GALNT7: variants seen among roughly 807,000 people sequenced by gnomAD.
GALNT7 encodes N-acetylgalactosaminyltransferase 7.
Under a neutral mutation model 82.1 loss-of-function variants are expected in GALNT7, and 60 were observed. That is an observed-to-expected ratio of 0.73 (90% CI 0.59 to 0.91). The LOEUF (loss-of-function observed/expected upper bound fraction) is 0.91. Ranked by LOEUF, GALNT7 falls within the 40% of genes least tolerant of loss-of-function variation. GALNT7 has a pLI of 0.00. For synonymous variants in GALNT7, 243 were observed against 275.1 expected, an observed-to-expected ratio of 0.88 and a Z score of 1.15; for missense variants, 660 against 804.2, an observed-to-expected ratio of 0.82 and a Z score of 2.17.
chr4:173,232,653 C>T (rs1378539012), intron 1 of GALNT7, among the ~76,000 whole-genome samples: 1 of 152,108 alleles, frequency 6.6e-6, no homozygotes, highest in Non-Finnish European at 1.5e-5. Flanking sequence ...CGAGGCATGT[C>T]TCAAACTCCT....
At chr4:173,244,841 A>G (rs566611568) in intron 1 of GALNT7, among the ~76,000 whole-genome samples, 36 of 152,248 alleles carry the variant, frequency 2.4e-4, no homozygotes, top group Admixed American at 1.6e-3. Flanking sequence ...AAAGAGAATA[A>G]AAAGTTGAGG....
intron 1 of GALNT7, among the ~76,000 whole-genome samples, chr4:173,181,033 A>G (rs1732233391): frequency 6.6e-6 from 1 of 152,236 alleles, no homozygotes; most frequent in Admixed American, 6.5e-5. Context: ...TTAAAAATCC[A>G]TTAGATTTTT....
At chr4:173,310,589 A>C (rs1393835499) in intron 8 of GALNT7, among the ~76,000 whole-genome samples, 1 of 152,236 alleles carries the variant, frequency 6.6e-6, no homozygotes, top group African/African-American at 2.4e-5. Flanking sequence ...TCTTTTAAAA[A>C]TAATAATATT....
Position 173,318,453 on chromosome 4 carries a change from A to G in GALNT7, c.1730A>G (p.Asn577Ser), listed in dbSNP as rs1485485956. 2 of 1,604,242 alleles carry G rather than the reference A, an allele frequency of 1.2e-6. No homozygotes were observed. The highest frequency in any genetic ancestry group is 1.3e-5 in the African/African-American group (1 of 74,512). Residue 577 changes from asparagine (N) to serine (S), a missense_variant, in exon 11 of 12, where the codon AAT becomes AGT. This residue lies in a region of GALNT7 where 527 missense variants were observed against 683.5 expected (regional missense o/e 0.77). Transcript: ENST00000265000. ...GNQLFRINEANQLMQYDQCLT... is the reference protein window; with the variant it reads ...GNQLFRINEASQLMQYDQCLT... The stretch of plus-strand genomic sequence containing the variant: ...CAGCTTTTCAGAATCAATGAAGCAA[A>G]TCAACTCATGCAGTATGACCAGTGT...
intron 1 of GALNT7, among the ~76,000 whole-genome samples, chr4:173,171,232 G>A (rs1731859531): frequency 6.6e-6 from 1 of 152,176 alleles, no homozygotes; most frequent in South Asian, 2.1e-4. Flanking sequence ...AGCTTTTAAG[G>A]TACAGTGCTA....
intron 1 of GALNT7, among the ~76,000 whole-genome samples, chr4:173,241,004 A>G (rs1734410641): frequency 6.6e-6 from 1 of 152,156 alleles, no homozygotes; most frequent in African/African-American, 2.4e-5. Context: ...AGCAGGCATC[A>G]GAACATGTAG....
At chr4:173,225,046 A>ATAATT in intron 1 of GALNT7, among the ~76,000 whole-genome samples, 1 of 84,874 alleles carries the variant, frequency 1.2e-5, no homozygotes, top group South Asian at 4.7e-4. Flanking sequence ...TAATAATAAT[A>ATAATT]ATAATTATAA....
intron 1 of GALNT7, among the ~76,000 whole-genome samples, chr4:173,239,767 T>TTA (rs1459634659): frequency 6.6e-6 from 1 of 152,250 alleles, no homozygotes; most frequent in African/African-American, 2.4e-5. Flanking sequence ...TAATTTTAAC[T>TTA]TATATGTTGA....
At position 173,270,013 on chromosome 4, in the gene GALNT7, G is replaced by C. The variant is rs140913225; in HGVS notation, c.587+21573G>C. Among the ~76,000 whole-genome samples the C allele has an allele frequency of 6.3e-3, 961 of 152,280 alleles. 11 individuals carry two copies. Among genetic ancestry groups the C allele is most frequent in the African/African-American group, 0.022 (909 of 41,552 alleles). On this transcript the variant is annotated intron_variant, in intron 2 of 11. Coordinates refer to ENST00000265000, the MANE Select transcript of GALNT7 (RefSeq NM_017423.3). ...AAGTCCTGTGAAGAAAGAACTAGAT[G>C]ATATAAATGTATGCATATTTCTAGA...
intron 5 of GALNT7, among the ~76,000 whole-genome samples, chr4:173,296,687 G>T (rs1736727238): frequency 6.6e-6 from 1 of 152,184 alleles, no homozygotes; most frequent in South Asian, 2.1e-4. Context: ...GCCTCCCTGG[G>T]AAAGTTTACA....
intron 3 of GALNT7, among the ~76,000 whole-genome samples, chr4:173,293,310 A>G (rs1056193867): frequency 3.3e-5 from 5 of 152,016 alleles, no homozygotes; most frequent in Non-Finnish European, 7.4e-5. Flanking sequence ...CTTCTTTTAC[A>G]AATCTCTAAT....
chr4:173,313,945 T>A lies in GALNT7; in HGVS notation c.1390-13T>A, dbSNP rs527573029. 2,516 of 1,120,534 alleles carry A rather than the reference T, an allele frequency of 2.2e-3. 8 individuals are homozygous for A. The highest frequency in any genetic ancestry group is 8.0e-3 in the African/African-American group (460 of 57,220). 69.4% of individuals were successfully genotyped at this position (1,120,534 alleles called of 1,614,324 possible). ...TTTATAACGATATATATATATATAT[T>A]TTTTTTTTACAGAATTATGTTAGAG... On this transcript the variant is annotated splice_polypyrimidine_tract_variant and intron_variant, in intron 8 of 11. Transcript: ENST00000265000.
intron 1 of GALNT7, among the ~76,000 whole-genome samples, chr4:173,196,280 A>G (rs963037077): frequency 1.3e-5 from 2 of 151,972 alleles, no homozygotes; most frequent in Non-Finnish European, 2.9e-5. Flanking sequence ...GCCTGCCACC[A>G]TGCCTGGCTA....
chr4:173,248,563 G>A (rs1734744573), intron 2 of GALNT7, 123 bp downstream of exon 2: 1 of 662,996 alleles, frequency 1.5e-6, no homozygotes, highest in Admixed American at 2.9e-5. Flanking sequence ...GGAAATAAGA[G>A]GATCTTTGAA....
intron 1 of GALNT7, among the ~76,000 whole-genome samples, chr4:173,217,662 G>A (rs1444932703): frequency 3.3e-5 from 5 of 152,172 alleles, no homozygotes; most frequent in African/African-American, 1.2e-4. Context: ...AGTAATAGGG[G>A]ATGGTTTATG....
At position 173,295,809 on chromosome 4, in the gene GALNT7, T is replaced by A; in HGVS notation, c.931T>A (p.Tyr311Asn). Reference protein sequence around the residue: ...DAHCEVAVNWYAPLVAPISKD... With the variant: ...DAHCEVAVNWNAPLVAPISKD... ...CCACTGTGAGGTGGCAGTTAACTGG[T>A]ATGCACCACTTGTAGCTCCCATATC... Residue 311 changes from tyrosine (Y) to asparagine (N), a missense_variant, in exon 5 of 12, where the codon TAT (tyrosine) becomes AAT (asparagine). Transcript: ENST00000265000. 1 of 1,609,118 alleles carries A rather than the reference T, an allele frequency of 6.2e-7. No homozygotes were observed. The highest frequency in any genetic ancestry group is 8.5e-7 in the Non-Finnish European group (1 of 1,175,430).
At chr4:173,269,501 A>G (rs977619831) in intron 2 of GALNT7, among the ~76,000 whole-genome samples, 1 of 152,178 alleles carries the variant, frequency 6.6e-6, no homozygotes, top group African/African-American at 2.4e-5. Flanking sequence ...ACTGATTGGA[A>G]TATTTATTAG....
chr4:173,273,481 G>A (rs940823739), intron 2 of GALNT7, among the ~76,000 whole-genome samples: 7 of 152,098 alleles, frequency 4.6e-5, no homozygotes, highest in African/African-American at 1.4e-4. Flanking sequence ...CGATCTTCAC[G>A]CCATGAATAT....
intron 9 of GALNT7, 128 bp downstream of exon 9, chr4:173,314,304 C>G (rs893073477): frequency 4.4e-6 from 3 of 676,276 alleles, no homozygotes; most frequent in Non-Finnish European, 8.0e-6. Context: ...CTGATAGGAT[C>G]TACCACCTTT....
Sources: gnomAD v4.1 joint callset for allele counts (sites outside exome capture counted in the v4.1 genomes callset) on GRCh38, gnomAD v4.1.1 for gene constraint, gnomAD v4.1.1 regional missense constraint, MANE v1.5 for transcripts, NCBI Gene and HGNC (gene_info 2026-07-23, HGNC 2026-07-21) for gene names.